Variants in HACD3 observed in about 807,000 individuals in gnomAD.
HACD3 encodes the protein 3-hydroxyacyl-CoA dehydratase 3, also known as very-long-chain (3R)-3-hydroxyacyl-CoA dehydratase 3.
A neutral mutation model predicts 55.2 loss-of-function variants in HACD3; 30 were observed. That is an observed-to-expected ratio of 0.54 (90% CI 0.41 to 0.74). The LOEUF (loss-of-function observed/expected upper bound fraction) is 0.74, where lower values mean the gene tolerates loss of function less well. Among genes scored for constraint, HACD3 ranks in the 30% least tolerant of loss-of-function variants. HACD3 has a pLI of 0.00. For synonymous variants in HACD3, 141 were observed against 151.7 expected (o/e 0.93, Z 0.52); for missense variants, 363 against 440.1 (o/e 0.82, Z 1.57).
chr15:65,531,492 A>G (rs912584530), intron 1 of HACD3: 4 of 152,248 alleles, frequency 2.6e-5, no homozygotes, highest in African/African-American at 4.8e-5. Context: ...GTCTCTGTCC[A>G]AACTAAAGAT....
At position 65,576,397 on chromosome 15, in the gene HACD3, G is replaced by A. The variant is rs758492866; in HGVS notation, c.*18G>A. ...TCCACTAAAAAGAAAGATTTAGATG[G>A]CTTCTTGCCAGTTTGAGCCTAATCT... On this transcript the variant is annotated 3_prime_UTR_variant, in exon 11 of 11. Transcript: ENST00000261875. 1.9e-6 allele frequency: 3 copies of A among 1,583,220 alleles called. No homozygotes were observed. The highest frequency in any genetic ancestry group is 2.6e-6 in the Non-Finnish European group (3 of 1,164,574).
intron 1 of HACD3, among the ~76,000 whole-genome samples, chr15:65,536,320 A>G (rs1047702023): frequency 6.6e-6 from 1 of 152,080 alleles, no homozygotes; most frequent in Non-Finnish European, 1.5e-5. Context: ...GTTTTATGGC[A>G]AAATGAAATG....
At chr15:65,540,146 G>T (rs2072006175) in intron 1 of HACD3, among the ~76,000 whole-genome samples, 1 of 152,094 alleles carries the variant, frequency 6.6e-6, no homozygotes, top group Non-Finnish European at 1.5e-5. Flanking sequence ...GTTTGATTTT[G>T]CTTGAAATAT....
At chr15:65,573,332 G>C (rs1046370961) in intron 10 of HACD3, among the ~76,000 whole-genome samples, 6 of 152,148 alleles carry the variant, frequency 3.9e-5, no homozygotes, top group Admixed American at 6.5e-5. Context: ...TAGAGGCCAG[G>C]TATGGTGGTT....
chr15:65,564,461 A>T, intron 7 of HACD3, 119 bp downstream of exon 7: 1 of 1,299,078 alleles, frequency 7.7e-7, no homozygotes, highest in South Asian at 1.6e-5. Context: ...TGGGCAGTTT[A>T]CAAAAGAAAG....
intron 1 of HACD3, among the ~76,000 whole-genome samples, chr15:65,534,000 G>A (rs1379751016): frequency 2.6e-5 from 4 of 151,124 alleles, no homozygotes; most frequent in African/African-American, 4.9e-5. Flanking sequence ...GCAGTGAGCC[G>A]AGACTGCGCC....
intron 8 of HACD3, among the ~76,000 whole-genome samples, chr15:65,571,339 C>T (rs898967064): frequency 1.3e-5 from 2 of 152,252 alleles, no homozygotes; most frequent in Admixed American, 1.3e-4. Flanking sequence ...GAGACCTAAA[C>T]TTAGTCTGCC....
chr15:65,570,758 T>TCTTC (rs2072339948), intron 8 of HACD3, among the ~76,000 whole-genome samples: 1 of 152,200 alleles, frequency 6.6e-6, no homozygotes, highest in Non-Finnish European at 1.5e-5. Flanking sequence ...ACTCCATATG[T>TCTTC]CTTCCCTTTC....
intron 5 of HACD3, among the ~76,000 whole-genome samples, chr15:65,559,349 C>T (rs995347485): frequency 5.3e-5 from 8 of 151,942 alleles, no homozygotes; most frequent in African/African-American, 9.7e-5. Context: ...AGGGATCCAT[C>T]GTAGCGCCTA....
At chr15:65,548,270 T>C (rs765970869) in intron 1 of HACD3, among the ~76,000 whole-genome samples, 33 of 151,962 alleles carry the variant, frequency 2.2e-4, no homozygotes, top group Non-Finnish European at 4.1e-4. Flanking sequence ...AGCAGTTTGG[T>C]AGGCTGAGGT....
intron 6 of HACD3, among the ~76,000 whole-genome samples, chr15:65,563,587 TG>T (rs1034541467): frequency 6.6e-6 from 1 of 152,166 alleles, no homozygotes; most frequent in African/African-American, 2.4e-5. Context: ...AAGGATCTCT[TG>T]CGCCCAGGAG....
At chr15:65,575,506 G>A (rs910978504) in intron 10 of HACD3, among the ~76,000 whole-genome samples, 4 of 152,028 alleles carry the variant, frequency 2.6e-5, no homozygotes, top group Non-Finnish European at 4.4e-5. Context: ...GAGTAGGCTT[G>A]AATTAAAAAT....
At position 65,577,804 on chromosome 15, in the gene HACD3, C is replaced by T. The variant is rs778430157; in HGVS notation, c.*1425C>T. On this transcript the variant is annotated 3_prime_UTR_variant, in exon 11 of 11. Coordinates refer to ENST00000261875, the MANE Select transcript of HACD3 (RefSeq NM_016395.4). ...CAGCAAGAACTTCGGGGTGAACACC[C>T]GCTGATCCTTTAACAAGGATTTCTG... 8.5e-5 allele frequency: 13 copies of T among 152,578 alleles called. No individual in the cohort carries two copies. Among genetic ancestry groups the T allele is most frequent in the East Asian group, 3.9e-4 (2 of 5,192 alleles). 9.5% of individuals were successfully genotyped at this position (152,578 alleles called of 1,614,324 possible).
intron 1 of HACD3, 66 bp downstream of exon 1, chr15:65,530,784 TGC>T: frequency 1.2e-5 from 17 of 1,416,178 alleles, no homozygotes; most frequent in Non-Finnish European, 1.5e-5. Context: ...CCAGGACCCC[TGC>T]CCCCTTTGTC....
intron 1 of HACD3, among the ~76,000 whole-genome samples, chr15:65,542,522 C>T (rs975280176): frequency 1.3e-5 from 2 of 152,050 alleles, no homozygotes; most frequent in Non-Finnish European, 2.9e-5. Flanking sequence ...CCTTGGTCTC[C>T]CAAAGTGCTG....
chr15:65,576,731 T>G lies in HACD3; in HGVS notation c.*352T>G. On this transcript the variant is annotated 3_prime_UTR_variant, in exon 11 of 11. Transcript: ENST00000261875. ...ACAATGTACTGACAGTTCTTACAGT[T>G]GAGATTTGTTCTTTTCAGCTATTGC... is the stretch of plus-strand genomic sequence containing the variant. 4.8e-6 allele frequency: 1 copy of G among 208,528 alleles called. No homozygotes were observed. Among genetic ancestry groups the G allele is most frequent in the Non-Finnish European group, 9.5e-6 (1 of 104,926 alleles). 12.9% of individuals were successfully genotyped at this position (208,528 alleles called of 1,614,324 possible). A position where few individuals can be genotyped will look rare whatever the true frequency, so the allele number is the denominator to read the frequency against.
chr15:65,574,245 A>C (rs984939930), intron 10 of HACD3: 7 of 152,238 alleles, frequency 4.6e-5, no homozygotes, highest in African/African-American at 1.7e-4. Context: ...GTTTCTGTAG[A>C]CTTGACTGGG....
intron 1 of HACD3, among the ~76,000 whole-genome samples, chr15:65,536,206 G>C (rs987379553): frequency 6.6e-6 from 1 of 151,756 alleles, no homozygotes; most frequent in African/African-American, 2.4e-5. Context: ...TTGTAGAGAC[G>C]AGGTTGGTCT....
At chr15:65,536,048 A>T (rs1596202659) in intron 1 of HACD3, among the ~76,000 whole-genome samples, 1 of 151,608 alleles carries the variant, frequency 6.6e-6, no homozygotes, top group South Asian at 2.1e-4. Context: ...ACAGGGTCTC[A>T]CTCTGTCACC....
Sources: allele counts gnomAD v4.1 joint callset (sites outside exome capture counted in the v4.1 genomes callset), GRCh38; gene constraint gnomAD v4.1.1; transcripts MANE v1.5; gene names NCBI Gene and HGNC (gene_info 2026-07-23, HGNC 2026-07-21).